Variants in TMEM132D observed in about 807,000 individuals in gnomAD.
The protein encoded by TMEM132D is transmembrane protein 132D.
In TMEM132D, 21 loss-of-function variants were observed where a neutral mutation model predicts 62.3. That is an observed-to-expected ratio of 0.34 (90% CI 0.24 to 0.49). The LOEUF (loss-of-function observed/expected upper bound fraction) is 0.49. Among genes scored for constraint, TMEM132D ranks in the 20% least tolerant of loss-of-function variants. The pLI is 0.99. For missense variants in TMEM132D, 1,346 were observed against 1,402.8 expected (o/e 0.96, Z 0.65); for synonymous variants, 621 against 575.6 (o/e 1.08, Z -1.13).
intron 1 of TMEM132D, among the ~76,000 whole-genome samples, chr12:129,796,160 C>CAT (rs1305511067): frequency 1.3e-5 from 2 of 151,830 alleles, no homozygotes; most frequent in African/African-American, 4.8e-5. Flanking sequence ...CATACTGAGA[C>CAT]CCTGTCTCTA....
intron 5 of TMEM132D, among the ~76,000 whole-genome samples, chr12:129,135,170 T>C (rs966188892): frequency 6.6e-6 from 1 of 152,190 alleles, no homozygotes; most frequent in African/African-American, 2.4e-5. Flanking sequence ...CACTGAGGCA[T>C]CTGGAGTTGG....
At chr12:129,593,294 T>A (rs949236045) in intron 2 of TMEM132D, among the ~76,000 whole-genome samples, 1 of 152,208 alleles carries the variant, frequency 6.6e-6, no homozygotes, top group African/African-American at 2.4e-5. Flanking sequence ...CTTTCTTCAA[T>A]GGCATCCTGG....
intron 3 of TMEM132D, among the ~76,000 whole-genome samples, chr12:129,526,397 G>A (rs1036977136): frequency 1.3e-5 from 2 of 152,046 alleles, no homozygotes; most frequent in African/African-American, 4.8e-5. Flanking sequence ...CGATTCTCCT[G>A]CCTCAGCCTC....
chr12:129,866,638 G>A (rs1236852084), intron 1 of TMEM132D, among the ~76,000 whole-genome samples: 1 of 152,000 alleles, frequency 6.6e-6, no homozygotes, highest in Non-Finnish European at 1.5e-5. Flanking sequence ...TGGACAGGAT[G>A]TAGAAAAGAG....
intron 2 of TMEM132D, among the ~76,000 whole-genome samples, chr12:129,556,557 A>T (rs905812722): frequency 1.3e-5 from 2 of 152,032 alleles, no homozygotes; most frequent in Admixed American, 1.3e-4. Flanking sequence ...AAATACTAAT[A>T]TAATAGGTTG....
rs79131681 is a variant in TMEM132D at position 129,409,707 on chromosome 12, T to C, written c.1116-71890A>G. ...TATAGAGTGTGAAAACAAGAGGTAC[T>C]TATAAACAGTAAAGAGTAAATACAC... On this transcript the variant is annotated intron_variant, in intron 3 of 8. Coordinates refer to ENST00000422113, the MANE Select transcript of TMEM132D (RefSeq NM_133448.3). Among the ~76,000 whole-genome samples, 1,036 of 152,342 alleles carry C rather than the reference T, an allele frequency of 6.8e-3. 14 individuals are homozygous for C. The highest frequency in any genetic ancestry group is 0.022 in the African/African-American group (932 of 41,564).
chr12:129,608,946 T>C (rs1410922561), intron 2 of TMEM132D, among the ~76,000 whole-genome samples: 1 of 148,222 alleles, frequency 6.7e-6, no homozygotes, highest in African/African-American at 2.5e-5. Context: ...AAATTGTTCT[T>C]TTTTTTTTTT....
intron 5 of TMEM132D, among the ~76,000 whole-genome samples, chr12:129,203,112 A>G (rs966184452): frequency 1.3e-5 from 2 of 152,160 alleles, no homozygotes; most frequent in Non-Finnish European, 2.9e-5. Flanking sequence ...CTTTTGTATC[A>G]ATCGCTGAGT....
At chr12:129,613,807 T>C (rs889965333) in intron 2 of TMEM132D, among the ~76,000 whole-genome samples, 1 of 151,030 alleles carries the variant, frequency 6.6e-6, no homozygotes, top group Admixed American at 6.6e-5. Flanking sequence ...GAGGACTGTC[T>C]GCAGAACCCA....
rs1875250518 is a variant in TMEM132D, at chr12:129,100,020, C to T, written c.1444-15318G>A. 8.8e-5 allele frequency among the ~76,000 whole-genome samples: 13 copies of T among 147,024 alleles called. No homozygotes were observed. The South Asian group carries it at 2.6e-3, about 30-fold the overall frequency. On this transcript the variant is annotated intron_variant, in intron 5 of 8. Coordinates refer to ENST00000422113, the MANE Select transcript of TMEM132D (RefSeq NM_133448.3). ...TTTTGTATTTTTAGTAGAGACGGGG[C>T]CACTTTATTTTTTATTTAATTTTAT...
chr12:129,211,646 C>A (rs1593297781), intron 4 of TMEM132D, among the ~76,000 whole-genome samples: 1 of 152,138 alleles, frequency 6.6e-6, no homozygotes, highest in African/African-American at 2.4e-5. Context: ...TTGGATGTAG[C>A]AATACATATA....
intron 4 of TMEM132D, among the ~76,000 whole-genome samples, chr12:129,254,188 G>A (rs190543615): frequency 5.3e-5 from 8 of 152,144 alleles, no homozygotes; most frequent in East Asian, 3.9e-4. Flanking sequence ...AGAATACATC[G>A]GAATCAAAAT....
intron 2 of TMEM132D, among the ~76,000 whole-genome samples, chr12:129,564,273 C>T (rs1348785637): frequency 6.6e-6 from 1 of 152,110 alleles, no homozygotes; most frequent in Non-Finnish European, 1.5e-5. Context: ...AAAACAAAAC[C>T]AGGGATTTTT....
chr12:129,357,573 G>T (rs1870111503), intron 3 of TMEM132D, among the ~76,000 whole-genome samples: 1 of 151,412 alleles, frequency 6.6e-6, no homozygotes, highest in Admixed American at 6.6e-5. Flanking sequence ...AGGAAAGAAT[G>T]CAAGGAAGGG....
chr12:129,448,293 AGTT>A (rs1274576176), intron 3 of TMEM132D, among the ~76,000 whole-genome samples: 11 of 151,812 alleles, frequency 7.2e-5, no homozygotes, highest in Admixed American at 2.0e-4. Context: ...TGTCACGGGG[AGTT>A]GTTGTGCAGA....
intron 5 of TMEM132D, among the ~76,000 whole-genome samples, chr12:129,089,498 GTGTC>G (rs1378368430): frequency 1.5e-5 from 1 of 66,258 alleles, no homozygotes; most frequent in Non-Finnish European, 3.6e-5. Flanking sequence ...CCATGACCGG[GTGTC>G]CTCTATGACC....
chr12:129,461,163 A>C (rs1351000642), intron 3 of TMEM132D, among the ~76,000 whole-genome samples: 3 of 152,208 alleles, frequency 2.0e-5, no homozygotes, highest in African/African-American at 7.2e-5. Flanking sequence ...AGAAGGAATG[A>C]GCTGGGTGGA....
chr12:129,523,408 G>A (rs574404008), intron 3 of TMEM132D, among the ~76,000 whole-genome samples: 1 of 152,264 alleles, frequency 6.6e-6, no homozygotes, highest in African/African-American at 2.4e-5. Context: ...ACCAGCAAAT[G>A]GCATAATGTA....
At chr12:129,550,222 T>A (rs1299374527) in intron 2 of TMEM132D, among the ~76,000 whole-genome samples, 1 of 86,454 alleles carries the variant, frequency 1.2e-5, no homozygotes, top group Non-Finnish European at 2.3e-5. Flanking sequence ...CTAATAATTA[T>A]TCCATACTGG....
Sources: allele counts gnomAD v4.1 joint callset (sites outside exome capture counted in the v4.1 genomes callset), GRCh38; gene constraint gnomAD v4.1.1; transcripts MANE v1.5; gene names NCBI Gene and HGNC (gene_info 2026-07-23, HGNC 2026-07-21).